The following CPS1 variants were observed in gnomAD, a reference collection of about 807,000 sequenced individuals.
CPS1 encodes carbamoyl-phosphate synthase 1.
Under a neutral mutation model 174.6 loss-of-function variants are expected in CPS1, and 109 were observed. The observed-to-expected ratio is 0.62, with a 90% CI of 0.53 to 0.73. The LOEUF is 0.73. CPS1 is among the 30% of genes least tolerant of loss of function. The pLI is 0.00. For missense variants in CPS1, 1,689 were observed against 1,821.9 expected, an observed-to-expected ratio of 0.93 and a Z score of 1.33; for synonymous variants, 637 against 632.0, an observed-to-expected ratio of 1.01 and a Z score of -0.12.
chr2:210,622,564 A>G (rs1699563408), intron 21 of CPS1, among the ~76,000 whole-genome samples: 1 of 151,848 alleles, frequency 6.6e-6, no homozygotes, highest in East Asian at 1.9e-4. Context: ...ATATATAATG[A>G]AGGTTTCTAC....
intron 1 of CPS1, among the ~76,000 whole-genome samples, chr2:210,498,583 A>G (rs1695064115): frequency 6.6e-6 from 1 of 152,170 alleles, no homozygotes; most frequent in Non-Finnish European, 1.5e-5. Flanking sequence ...CTAGGCGTAG[A>G]ATCATATCAG....
chr2:210,579,834 G>GTGCATATACATATC, intron 5 of CPS1, 64 bp downstream of exon 5: 1 of 1,326,168 alleles, frequency 7.5e-7, no homozygotes, highest in Non-Finnish European at 1.1e-6. Context: ...GTGTGTGTGT[G>GTGCATATACATATC]GTGTTTCCCT....
intron 1 of CPS1, among the ~76,000 whole-genome samples, chr2:210,495,769 C>T (rs750498293): frequency 3.3e-5 from 5 of 152,130 alleles, no homozygotes; most frequent in Non-Finnish European, 7.3e-5. Flanking sequence ...ACTCAGTAGG[C>T]AACTTGCAAT....
In CPS1 at chr2:210,608,845, A is replaced by T. The variant is rs186892119; in HGVS notation, c.2391+286A>T. Among the ~76,000 whole-genome samples the T allele has an allele frequency of 3.4e-3, 511 of 152,116 alleles. 4 individuals are homozygous for T. The highest frequency in any genetic ancestry group is 0.013 in the South Asian group (62 of 4,832). ...ATCTGGCTATATAGTATAGATACACATATGAAAACACATTCATATACATAT... is the reference window on the plus strand; with the variant it reads ...ATCTGGCTATATAGTATAGATACACTTATGAAAACACATTCATATACATAT... On this transcript the variant is annotated intron_variant, in intron 19 of 37. Coordinates refer to ENST00000233072, the MANE Select transcript of CPS1 (RefSeq NM_001875.5).
chr2:210,488,623 C>T lies in CPS1; in HGVS notation c.3+10857C>T, dbSNP rs116636286. Among the ~76,000 whole-genome samples, 1,099 of 152,254 alleles carry T rather than the reference C, an allele frequency of 7.2e-3. 12 individuals are homozygous for T. Among genetic ancestry groups the T allele is most frequent in the African/African-American group, 0.025 (1,039 of 41,532 alleles). ...TACCATTGCCTTCAGAGATTAAGGG[C>T]GCACATTGTGAGCAGAAATAAACCA... On this transcript the variant is annotated intron_variant, in intron 1 of 38. Transcript: ENST00000430249.
rs914838798 is a variant in CPS1 at position 210,590,295 on chromosome 2, C to T, written c.840+61C>T. On this transcript the variant is annotated intron_variant, in intron 8 of 37. Coordinates refer to ENST00000233072, the MANE Select transcript of CPS1 (RefSeq NM_001875.5). ...GGAGGTGGGGGCTTCCGCTCTATAC[C>T]CTCAAAGGGCTGTGATACATTTTAT... is the stretch of plus-strand genomic sequence containing the variant. The T allele has an allele frequency of 2.4e-5, 39 of 1,606,320 alleles. No homozygotes were observed. The African/African-American group carries it at 4.8e-4, about 20-fold the overall frequency.
chr2:210,599,178 C>T (rs901455754), intron 13 of CPS1, among the ~76,000 whole-genome samples, 194 bp from the exon 14 acceptor site: 1 of 151,840 alleles, frequency 6.6e-6, no homozygotes, highest in East Asian at 2.0e-4. Context: ...TGGATAGTTT[C>T]ATTTTCAAGA....
intron 31 of CPS1, 90 bp downstream of exon 31, chr2:210,658,778 C>A: frequency 1.1e-6 from 1 of 949,868 alleles, no homozygotes; most frequent in Non-Finnish European, 1.7e-6. Context: ...CTGTGAACAC[C>A]AGACAAAGAG....
At chr2:210,597,677 C>A (rs533674359) in intron 13 of CPS1, among the ~76,000 whole-genome samples, 3 of 151,876 alleles carry the variant, frequency 2.0e-5, no homozygotes, top group African/African-American at 4.8e-5. Flanking sequence ...ATAATTAGAA[C>A]CATCTGGCTG....
At chr2:210,621,882 A>G (rs1699541514) in intron 21 of CPS1, among the ~76,000 whole-genome samples, 2 of 152,022 alleles carry the variant, frequency 1.3e-5, no homozygotes, top group South Asian at 2.1e-4. Context: ...TGGACTACAT[A>G]TTAAGCACTG....
rs546920595 is a variant in CPS1 at position 210,662,157 on chromosome 2, C to T, written c.3928-966C>T. Among the ~76,000 whole-genome samples the T allele has an allele frequency of 1.4e-4, 21 of 152,188 alleles. No homozygotes were observed. In the South Asian group the frequency reaches 3.9e-3, roughly 29 times the overall value. On this transcript the variant is annotated intron_variant, in intron 32 of 37. Coordinates refer to ENST00000233072, the MANE Select transcript of CPS1 (RefSeq NM_001875.5). ...TCTTAAACTCCTGACCTCAGGTGAT[C>T]CACCTGCCTCGGCCTCCCAAAGTGC... is the stretch of plus-strand genomic sequence containing the variant.
intron 1 of CPS1, 121 bp downstream of exon 1, chr2:210,556,980 A>T (rs190545646): frequency 8.6e-7 from 1 of 1,165,278 alleles, no homozygotes; most frequent in Admixed American, 1.8e-5. Flanking sequence ...CTAATGTATT[A>T]ATGTTTCCTT....
chr2:210,575,516 GCACACACACACACA>G (rs71395588), intron 2 of CPS1, among the ~76,000 whole-genome samples: 69 of 145,922 alleles, frequency 4.7e-4, no homozygotes, highest in Admixed American at 1.5e-3. Context: ...ATATGTATAT[GCACACACACACACA>G]CACACACACA....
intron 1 of CPS1, among the ~76,000 whole-genome samples, chr2:210,489,133 A>G (rs1018255827): frequency 6.6e-6 from 1 of 152,226 alleles, no homozygotes; most frequent in Non-Finnish European, 1.5e-5. Flanking sequence ...GGGAAAGCTT[A>G]TCTTTAAGGC....
At chr2:210,505,263 GT>G (rs1342979105) in intron 1 of CPS1, among the ~76,000 whole-genome samples, 2 of 151,492 alleles carry the variant, frequency 1.3e-5, no homozygotes, top group African/African-American at 2.4e-5. Flanking sequence ...AGTAATTGCA[GT>G]TTTTGCCATT....
chr2:210,539,695 T>G (rs1696350244), intron 1 of CPS1, among the ~76,000 whole-genome samples: 1 of 152,210 alleles, frequency 6.6e-6, no homozygotes, highest in Admixed American at 6.5e-5. Flanking sequence ...GCAGAGCAGC[T>G]GAGCTGGTCT....
chr2:210,602,230 C>A lies in CPS1; in HGVS notation c.1736C>A (p.Thr579Asn). The change falls in exon 16 of 38, where the codon ACC becomes AAC. Residue 579 changes from threonine to asparagine, a missense_variant. By Grantham distance (65) the Thr-to-Asn change is moderately conservative. Transcript: ENST00000233072. ...SIEDALKAADTIGYPVMIRSA... is the reference protein window; with the variant it reads ...SIEDALKAADNIGYPVMIRSA... ...GAGGATGCACTGAAGGCAGCAGACA[C>A]CATTGGCTACCCAGTGATGATCCGT... The A allele has an allele frequency of 6.2e-7, 1 of 1,612,442 alleles. No individual in the cohort carries two copies. The highest frequency in any genetic ancestry group is 8.5e-7 in the Non-Finnish European group (1 of 1,179,074).
chr2:210,556,817 A>G lies in CPS1; in HGVS notation c.84A>G (p.Lys28=), dbSNP rs574128765. The G allele has an allele frequency of 1.3e-5, 21 of 1,613,194 alleles. No homozygotes were observed. The South Asian group carries it at 2.3e-4, about 18-fold the overall frequency. The change falls in exon 1 of 38, where the codon AAA becomes AAG. Residue 28 remains lysine, a synonymous_variant. Transcript: ENST00000233072. ...FGFTNVTAHQ[K]WKFSRPGIRL... Reference sequence around the variant, plus strand: ...TTACCAATGTGACTGCACACCAAAAATGGAAATTTTCAAGACCTGGCATCA... The same window carrying G: ...TTACCAATGTGACTGCACACCAAAAGTGGAAATTTTCAAGACCTGGCATCA...
In CPS1 at chr2:210,491,798, TA is replaced by T. The variant is rs571332336; in HGVS notation, c.3+14033del. Among the ~76,000 whole-genome samples, 104 of 152,316 alleles carry T rather than the reference TA, an allele frequency of 6.8e-4. 2 individuals carry two copies. The highest frequency in any genetic ancestry group is 2.0e-3 in the African/African-American group (83 of 41,572). ...TCCTAAGAGGAATCTTCTGCTAGGT[TA>T]GGGGAGGGGGTCCTATAACAGCTGG... On this transcript the variant is annotated intron_variant, in intron 1 of 38. Transcript: ENST00000430249.
Sources: allele counts gnomAD v4.1 joint callset (sites outside exome capture counted in the v4.1 genomes callset), GRCh38; gene constraint gnomAD v4.1.1; transcripts MANE v1.5; gene names NCBI Gene and HGNC (gene_info 2026-07-23, HGNC 2026-07-21).